Variants in LPP observed in about 807,000 individuals in gnomAD.
The protein encoded by LPP is LIM domain containing preferred translocation partner in lipoma.
LPP carries 38 observed loss-of-function variants against 60.4 expected under a neutral mutation model. That is an observed-to-expected ratio of 0.63 (90% CI 0.49 to 0.83). The LOEUF (loss-of-function observed/expected upper bound fraction) is 0.83. LPP is among the 40% of genes least tolerant of loss of function. LPP has a pLI of 0.00. For synonymous variants in LPP, 328 were observed against 290.8 expected (o/e 1.13, Z -1.30); for missense variants, 902 against 783.6 (o/e 1.15, Z -1.80).
At chr3:188,825,269 C>CTGTGTGTGTGTGTGTGTGTG (rs3057956) in intron 9 of LPP, among the ~76,000 whole-genome samples, 1 of 101,690 alleles carries the variant, frequency 9.8e-6, no homozygotes. Flanking sequence ...CTCTCTCTCT[C>CTGTGTGTGTGTGTGTGTGTG]TGTGTGTGTG....
intron 2 of LPP, among the ~76,000 whole-genome samples, chr3:188,268,186 A>G (rs1045498589): frequency 3.9e-5 from 6 of 152,230 alleles, no homozygotes; most frequent in East Asian, 3.9e-4. Context: ...ACATTTTCAC[A>G]TTGCAAGGCA....
chr3:188,622,777 C>T (rs146298636), intron 7 of LPP, among the ~76,000 whole-genome samples: 6,469 of 152,106 alleles, frequency 0.043, 270 homozygotes, highest in African/African-American at 0.11. Flanking sequence ...CACCTGTAAT[C>T]CCAGCACTTT....
chr3:188,703,844 C>T (rs969385266), intron 7 of LPP, among the ~76,000 whole-genome samples: 1 of 152,048 alleles, frequency 6.6e-6, no homozygotes. Flanking sequence ...AATGTAAGTG[C>T]TAGGGGTAGA....
chr3:188,639,057 A>G (rs1165316663), intron 7 of LPP, among the ~76,000 whole-genome samples: 4 of 151,152 alleles, frequency 2.6e-5, no homozygotes, highest in African/African-American at 9.6e-5. Context: ...CGCATCACCA[A>G]GTCAATCCTA....
intron 4 of LPP, among the ~76,000 whole-genome samples, chr3:188,462,945 A>G (rs1243724868): frequency 6.6e-6 from 1 of 151,988 alleles, no homozygotes; most frequent in Non-Finnish European, 1.5e-5. Flanking sequence ...TGTCTCTACT[A>G]AAAATACAAA....
chr3:188,879,049 A>C lies in LPP; in HGVS notation c.*4570A>C, dbSNP rs1020910290. On this transcript the variant is annotated 3_prime_UTR_variant, in exon 12 of 12. Coordinates refer to ENST00000617246, the MANE Select transcript of LPP (RefSeq NM_001375462.1). ...TTGTATTTGCTTAATAGTGGTCCAG[A>C]CAAGTTCAAAACTTGTTCTCAGTGA... 1.8e-5 allele frequency: 4 copies of C among 228,462 alleles called. No individual in the cohort carries two copies. The highest frequency in any genetic ancestry group is 3.5e-5 in the Non-Finnish European group (4 of 115,114). The allele number at this position is 228,462 out of a possible 1,614,324, so 14.2% of individuals were successfully genotyped here.
chr3:188,645,494 T>C (rs1162746297), intron 7 of LPP, among the ~76,000 whole-genome samples: 4 of 152,152 alleles, frequency 2.6e-5, no homozygotes, highest in Non-Finnish European at 5.9e-5. Context: ...TTAAGAAATA[T>C]AAGGCTCAAA....
At chr3:188,508,047 G>C (rs1465755279) in intron 5 of LPP, among the ~76,000 whole-genome samples, 1 of 152,144 alleles carries the variant, frequency 6.6e-6, no homozygotes, top group African/African-American at 2.4e-5. Context: ...TAACATAGTG[G>C]TACTCAAGTG....
chr3:188,160,600 A>G (rs1420351101), intron 1 of LPP, among the ~76,000 whole-genome samples: 3 of 152,222 alleles, frequency 2.0e-5, no homozygotes, highest in Non-Finnish European at 4.4e-5. Flanking sequence ...GATCAATATC[A>G]AAATCTACCT....
At chr3:188,171,920 A>C (rs1721699175) in intron 1 of LPP, among the ~76,000 whole-genome samples, 1 of 152,194 alleles carries the variant, frequency 6.6e-6, no homozygotes, top group Non-Finnish European at 1.5e-5. Context: ...AAATGTCAGC[A>C]GACAGCCAGC....
At chr3:188,669,021 A>G (rs1334624275) in intron 7 of LPP, among the ~76,000 whole-genome samples, 1 of 152,192 alleles carries the variant, frequency 6.6e-6, no homozygotes, top group Admixed American at 6.5e-5. Context: ...TGTCAAAGAC[A>G]AGCACGGGCT....
chr3:188,179,236 T>C, intron 1 of LPP: 2 of 458,012 alleles, frequency 4.4e-6, no homozygotes, highest in Non-Finnish European at 8.8e-6. Context: ...ATGCATGGAA[T>C]CTTCGGCTGT....
Position 188,810,243 on chromosome 3 carries a change from G to A in LPP, c.1410+49961G>A, listed in dbSNP as rs78507196. On this transcript the variant is annotated intron_variant, in intron 9 of 11. Transcript: ENST00000617246. ...TAGTATGGCATTCAGAGGCCTTAAGGCAGTAAGGCATCTGCCTTAGTGTTC... is the reference window on the plus strand; with the variant it reads ...TAGTATGGCATTCAGAGGCCTTAAGACAGTAAGGCATCTGCCTTAGTGTTC... Among the ~76,000 whole-genome samples the A allele has an allele frequency of 3.8e-3, 572 of 152,062 alleles. 1 individual carries two copies. The highest frequency in any genetic ancestry group is 0.013 in the African/African-American group (546 of 41,474).
chr3:188,166,324 A>G (rs910884713), intron 1 of LPP, among the ~76,000 whole-genome samples: 1 of 152,184 alleles, frequency 6.6e-6, no homozygotes, highest in African/African-American at 2.4e-5. Flanking sequence ...ATTGAGCTCT[A>G]AGAATGGTGG....
At chr3:188,677,228 T>G (rs958002580) in intron 7 of LPP, among the ~76,000 whole-genome samples, 2 of 152,196 alleles carry the variant, frequency 1.3e-5, no homozygotes, top group African/African-American at 4.8e-5. Context: ...AAATGTATGT[T>G]GTTTTACTCT....
chr3:188,182,772 T>C lies in LPP; in HGVS notation c.-190+28520T>C, dbSNP rs115792912. 7.2e-4 allele frequency among the ~76,000 whole-genome samples: 106 copies of C among 146,892 alleles called. No individual in the cohort carries two copies. Among genetic ancestry groups the C allele is most frequent in the South Asian group, 1.5e-3 (7 of 4,726 alleles). On this transcript the variant is annotated intron_variant, in intron 1 of 11. Coordinates refer to ENST00000617246, the MANE Select transcript of LPP (RefSeq NM_001375462.1). This position sits in a 1 kb window ranked among gnomAD's most constrained non-coding sequence, Gnocchi z 4.4. ...CATATATGTACATATATTATATATG[T>C]GCATATATAATATATGTACATATAC... is the stretch of plus-strand genomic sequence containing the variant.
At chr3:188,274,410 T>C (rs2149825185) in intron 2 of LPP, among the ~76,000 whole-genome samples, 1 of 152,322 alleles carries the variant, frequency 6.6e-6, no homozygotes, top group East Asian at 1.9e-4. Context: ...GTCAAATTTA[T>C]TTTTGTACCT....
intron 7 of LPP, among the ~76,000 whole-genome samples, chr3:188,648,477 G>T (rs1184824493): frequency 6.6e-6 from 1 of 152,144 alleles, no homozygotes; most frequent in East Asian, 1.9e-4. Flanking sequence ...GAGGATTGGT[G>T]GGGAACCATG....
chr3:188,705,140 C>T lies in LPP; in HGVS notation c.1114-3127C>T, dbSNP rs1310449174. 2.0e-5 allele frequency among the ~76,000 whole-genome samples: 3 copies of T among 152,180 alleles called. No individual in the cohort carries two copies. The East Asian group carries it at 5.8e-4, about 29-fold the overall frequency. On this transcript the variant is annotated intron_variant, in intron 7 of 11. Coordinates refer to ENST00000617246, the MANE Select transcript of LPP (RefSeq NM_001375462.1). ...TGGATTACAAAAGTAGAACTACTTG[C>T]TGTACAATAAAGAAACAAATGTAGA...
Sources: allele counts gnomAD v4.1 joint callset (sites outside exome capture counted in the v4.1 genomes callset), GRCh38; gene constraint gnomAD v4.1.1; non-coding constraint Gnocchi (gnomAD v3.1); transcripts MANE v1.5; gene names NCBI Gene and HGNC (gene_info 2026-07-23, HGNC 2026-07-21).